ABTB2: variants seen among roughly 807,000 people sequenced by gnomAD.
ABTB2 encodes the protein ankyrin repeat and BTB domain containing 2.
A neutral mutation model predicts 104.1 loss-of-function variants in ABTB2; 56 were observed. That is an observed-to-expected ratio of 0.54 (90% CI 0.43 to 0.67). The LOEUF (loss-of-function observed/expected upper bound fraction) is 0.67, where lower values mean the gene tolerates loss of function less well. Among genes scored for constraint, ABTB2 ranks in the 30% least tolerant of loss-of-function variants. ABTB2 has a pLI of 0.00. For synonymous variants in ABTB2, 606 were observed against 608.2 expected, an observed-to-expected ratio of 1.00 and a Z score of 0.05; for missense variants, 1,279 against 1,407.7, an observed-to-expected ratio of 0.91 and a Z score of 1.46.
chr11:34,168,215 A>C (rs191180474), intron 5 of ABTB2, among the ~76,000 whole-genome samples: 2 of 152,218 alleles, frequency 1.3e-5, no homozygotes, highest in African/African-American at 4.8e-5. Flanking sequence ...AGCAGGGCCC[A>C]GCACAGGCCG....
intron 1 of ABTB2, among the ~76,000 whole-genome samples, chr11:34,270,629 C>T (rs1267070474): frequency 6.6e-6 from 1 of 152,176 alleles, no homozygotes; most frequent in Non-Finnish European, 1.5e-5. Flanking sequence ...CGTGAGCCAC[C>T]GTGCCCAGCC....
chr11:34,176,935 C>A (rs1490019452), intron 3 of ABTB2, among the ~76,000 whole-genome samples: 1 of 152,128 alleles, frequency 6.6e-6, no homozygotes, highest in Non-Finnish European at 1.5e-5. Flanking sequence ...TGCCCAATTC[C>A]CCCCAAATAT....
At chr11:34,291,417 C>T (rs903745275) in intron 1 of ABTB2, among the ~76,000 whole-genome samples, 1 of 152,224 alleles carries the variant, frequency 6.6e-6, no homozygotes, top group Non-Finnish European at 1.5e-5. Flanking sequence ...TCCAAGATCA[C>T]AGAGTAGAAC....
At chr11:34,204,414 G>T in intron 2 of ABTB2, 130 bp downstream of exon 2, 1 of 1,147,006 alleles carries the variant, frequency 8.7e-7, no homozygotes, top group Non-Finnish European at 1.2e-6. Flanking sequence ...TTTCAGGGAA[G>T]GCAAGGCACT....
chr11:34,187,414 G>A (rs936840680), intron 3 of ABTB2, among the ~76,000 whole-genome samples: 2 of 152,020 alleles, frequency 1.3e-5, no homozygotes, highest in African/African-American at 4.8e-5. Flanking sequence ...GGTGTGATAA[G>A]GCTAAATTTC....
Position 34,152,204 on chromosome 11 carries a change from T to G in ABTB2, c.*183A>C. 1.5e-6 allele frequency: 1 copy of G among 664,068 alleles called. No individual in the cohort carries two copies. The highest frequency in any genetic ancestry group is 2.5e-6 in the Non-Finnish European group (1 of 397,974). The allele number at this position is 664,068 out of a possible 1,614,324, so 41.1% of individuals were successfully genotyped here. On this transcript the variant is annotated 3_prime_UTR_variant, in exon 17 of 17. Coordinates refer to ENST00000435224, the MANE Select transcript of ABTB2 (RefSeq NM_145804.3). ...CATCTCCCCTTTGCCCATCAGTGAT[T>G]GAACAAACAGCTCTAGGGCAGAGGA...
At chr11:34,185,694 G>A (rs1853088436) in intron 3 of ABTB2, among the ~76,000 whole-genome samples, 1 of 152,156 alleles carries the variant, frequency 6.6e-6, no homozygotes, top group African/African-American at 2.4e-5. Flanking sequence ...GTTGGGGGGA[G>A]AGGTGGGTCA....
intron 1 of ABTB2, among the ~76,000 whole-genome samples, chr11:34,269,858 A>G (rs907601831): frequency 6.6e-6 from 1 of 151,940 alleles, no homozygotes; most frequent in Non-Finnish European, 1.5e-5. Flanking sequence ...TTTCAATACA[A>G]CTCCACAGTT....
intron 1 of ABTB2, among the ~76,000 whole-genome samples, chr11:34,280,491 C>T (rs1210370675): frequency 1.3e-5 from 2 of 152,170 alleles, no homozygotes; most frequent in Non-Finnish European, 2.9e-5. Context: ...CCCTCTTTCT[C>T]TCTCTTTTCC....
chr11:34,174,070 C>T (rs1459565835), intron 3 of ABTB2, among the ~76,000 whole-genome samples: 1 of 152,116 alleles, frequency 6.6e-6, no homozygotes, highest in African/African-American at 2.4e-5. Flanking sequence ...CTCGGTGGCT[C>T]ACGCCTGTAA....
chr11:34,173,103 C>T (rs1268313337), intron 4 of ABTB2, 52 bp downstream of exon 4: 17 of 1,609,424 alleles, frequency 1.1e-5, no homozygotes, highest in East Asian at 2.2e-5. Flanking sequence ...AGAGGGGAGC[C>T]GCTGGGGGCA....
At position 34,152,230 on chromosome 11, in the gene ABTB2, G is replaced by C; in HGVS notation, c.*157C>G. The C allele has an allele frequency of 1.3e-6, 1 of 768,642 alleles. No individual in the cohort carries two copies. Among genetic ancestry groups the C allele is most frequent in the Admixed American group, 2.7e-5 (1 of 37,346 alleles). The allele number at this position is 768,642 out of a possible 1,614,324, so 47.6% of individuals were successfully genotyped here. ...GAACAAACAGCTCTAGGGCAGAGGA[G>C]ATGAGGGTGAGCTGCCCGGTGACAG... On this transcript the variant is annotated 3_prime_UTR_variant, in exon 17 of 17. Coordinates refer to ENST00000435224, the MANE Select transcript of ABTB2 (RefSeq NM_145804.3).
intron 1 of ABTB2, among the ~76,000 whole-genome samples, chr11:34,353,249 G>T (rs1241299223): frequency 6.6e-6 from 1 of 152,124 alleles, no homozygotes; most frequent in African/African-American, 2.4e-5. Flanking sequence ...TCTAGAAATT[G>T]AGGAAGATTT....
Position 34,274,138 on chromosome 11 carries a change from G to A in ABTB2, c.884-69448C>T, listed in dbSNP as rs375824693. ...CTGCAGTCCGCAGTCCGGCCTGGGC[G>A]ACAGAGCGAGACTCCGTCTCAAAAA... On this transcript the variant is annotated intron_variant, in intron 1 of 16. Coordinates refer to ENST00000435224, the MANE Select transcript of ABTB2 (RefSeq NM_145804.3). Among the ~76,000 whole-genome samples, 134 of 113,582 alleles carry A rather than the reference G, an allele frequency of 1.2e-3. 1 individual carries two copies. The highest frequency in any genetic ancestry group is 4.4e-3 in the African/African-American group (125 of 28,282). The allele number at this position is 113,582 out of a possible 152,430, so 74.5% of individuals were successfully genotyped here. A position where few individuals can be genotyped will look rare whatever the true frequency, so the allele number is the denominator to read the frequency against.
chr11:34,215,035 G>A (rs1853533593), intron 1 of ABTB2, among the ~76,000 whole-genome samples: 1 of 152,160 alleles, frequency 6.6e-6, no homozygotes, highest in African/African-American at 2.4e-5. Flanking sequence ...GCCCCAGGTG[G>A]TGGTGACTCA....
chr11:34,174,462 G>A (rs1029660462), intron 3 of ABTB2, among the ~76,000 whole-genome samples: 4 of 152,244 alleles, frequency 2.6e-5, no homozygotes, highest in East Asian at 1.9e-4. Context: ...GCTTAGAGCT[G>A]CAAACTCCCG....
Position 34,158,396 on chromosome 11 carries a change from G to A in ABTB2, c.2697+900C>T, listed in dbSNP as rs1250193573. Among the ~76,000 whole-genome samples the A allele has an allele frequency of 2.0e-5, 3 of 152,126 alleles. No homozygotes were observed. The East Asian group carries it at 5.8e-4, about 29-fold the overall frequency. On this transcript the variant is annotated intron_variant, in intron 14 of 16. Coordinates refer to ENST00000435224, the MANE Select transcript of ABTB2 (RefSeq NM_145804.3). ...CCACTGCACTCCAGCCTGGGCGACA[G>A]TGAGACTCCGTGTCAAAAAAAACAA...
intron 1 of ABTB2, among the ~76,000 whole-genome samples, chr11:34,254,266 G>T (rs1261616408): frequency 6.7e-6 from 1 of 150,072 alleles, no homozygotes; most frequent in South Asian, 2.1e-4. Context: ...ATTTTTTTTT[G>T]AGACAGACTT....
intron 1 of ABTB2, among the ~76,000 whole-genome samples, chr11:34,350,759 G>A (rs1855388818): frequency 6.6e-6 from 1 of 152,204 alleles, no homozygotes; most frequent in African/African-American, 2.4e-5. Flanking sequence ...GACCCTAGCT[G>A]CCATCTGAAT....
Sources: allele counts gnomAD v4.1 joint callset (sites outside exome capture counted in the v4.1 genomes callset), GRCh38; gene constraint gnomAD v4.1.1; transcripts MANE v1.5; gene names NCBI Gene and HGNC (gene_info 2026-07-23, HGNC 2026-07-21).